PAPPA2: variants seen among roughly 807,000 people sequenced by gnomAD.
The protein encoded by PAPPA2 is pappalysin 2, also known as pappalysin-2.
A neutral mutation model predicts 176.4 loss-of-function variants in PAPPA2; 86 were observed. The observed-to-expected ratio is 0.49, with a 90% CI of 0.41 to 0.58. PAPPA2 has a LOEUF of 0.58. Among genes scored for constraint, PAPPA2 ranks in the 20% least tolerant of loss-of-function variants. The pLI is 0.00. For missense variants in PAPPA2, 2,073 were observed against 2,256.9 expected (o/e 0.92, Z 1.65); for synonymous variants, 809 against 852.2 (o/e 0.95, Z 0.88).
intron 1 of PAPPA2, among the ~76,000 whole-genome samples, chr1:176,520,421 A>G (rs1572994826): frequency 6.6e-6 from 1 of 152,318 alleles, no homozygotes; most frequent in East Asian, 1.9e-4. Flanking sequence ...CAGTTAAGCC[A>G]CACTTTCAGA....
Position 176,765,824 on chromosome 1 carries a change from T to A in PAPPA2, c.4310T>A (p.Ile1437Asn). 6.2e-7 allele frequency: 1 copy of A among 1,613,950 alleles called. No individual in the cohort carries two copies. The highest frequency in any genetic ancestry group is 8.5e-7 in the Non-Finnish European group (1 of 1,179,956). Residue 1437 changes from isoleucine (I) to asparagine (N), a missense_variant, in exon 15 of 23, where the codon ATC becomes AAC. Transcript: ENST00000367662. ...FALQASSGQY[I>N]RPMQKEILLT... ...CTTCAGGCCAGCAGTGGGCAGTACATCAGGCCCATGCAGGTGAGTTGAAAG... is the reference window on the plus strand; with the variant it reads ...CTTCAGGCCAGCAGTGGGCAGTACAACAGGCCCATGCAGGTGAGTTGAAAG...
rs370125053 is a variant in PAPPA2 at position 176,696,338 on chromosome 1, A to G, written c.2746+479A>G. ...GGTGGGGGGACCGCAGAGAAAACTC[A>G]TGTACTGGCTGAGCAAGTCTGGGTG... On this transcript the variant is annotated intron_variant, in intron 7 of 22. Transcript: ENST00000367662. 1.3e-4 allele frequency among the ~76,000 whole-genome samples: 11 copies of G among 87,420 alleles called. No homozygotes were observed. The East Asian group carries it at 3.7e-3, about 29-fold the overall frequency. The allele number at this position is 87,420 out of a possible 152,430, so 57.4% of individuals were successfully genotyped here. A position where few individuals can be genotyped will look rare whatever the true frequency, so the allele number is the denominator to read the frequency against.
At chr1:176,690,911 T>TAAAA (rs3039065) in intron 5 of PAPPA2, 75 of 936,430 alleles carry the variant, frequency 8.0e-5, no homozygotes, top group African/African-American at 1.7e-4. Context: ...TGTATGTTAC[T>TAAAA]AAAAAAAAAA....
At chr1:176,569,166 CCACACCTT>C (rs1652166224) in intron 2 of PAPPA2, among the ~76,000 whole-genome samples, 1 of 152,254 alleles carries the variant, frequency 6.6e-6, no homozygotes, top group South Asian at 2.1e-4. Flanking sequence ...ACCCACACAC[CCACACCTT>C]CATATATGAT....
intron 2 of PAPPA2, among the ~76,000 whole-genome samples, chr1:176,576,891 A>C (rs1042636465): frequency 7.9e-5 from 12 of 151,698 alleles, no homozygotes; most frequent in African/African-American, 2.9e-4. Context: ...TAGATAGTGT[A>C]GAAAATGTTG....
intron 12 of PAPPA2, among the ~76,000 whole-genome samples, chr1:176,735,546 G>A (rs1662359238): frequency 6.6e-6 from 1 of 152,048 alleles, no homozygotes; most frequent in Non-Finnish European, 1.5e-5. Context: ...AGCCCAAACA[G>A]TTCTACATCA....
intron 1 of PAPPA2, among the ~76,000 whole-genome samples, chr1:176,553,017 C>T (rs1464609365): frequency 6.6e-6 from 1 of 152,014 alleles, no homozygotes; most frequent in African/African-American, 2.4e-5. Context: ...TTTCCCTTGG[C>T]ATGTCTAGTG....
intron 1 of PAPPA2, among the ~76,000 whole-genome samples, chr1:176,521,892 C>T (rs73042700): frequency 0.08 from 12,098 of 152,114 alleles, 629 homozygotes; most frequent in African/African-American, 0.14. Context: ...AAGGCATGAA[C>T]GAGAGAACCC....
intron 14 of PAPPA2, 37 bp from the exon 15 acceptor site, chr1:176,765,629 A>T: frequency 6.3e-7 from 1 of 1,597,018 alleles, no homozygotes; most frequent in Non-Finnish European, 8.5e-7. Flanking sequence ...ACTGGTTCTC[A>T]ACCAGTCCTA....
intron 1 of PAPPA2, among the ~76,000 whole-genome samples, chr1:176,512,057 GA>G (rs1648627900): frequency 6.6e-6 from 1 of 151,810 alleles, no homozygotes; most frequent in African/African-American, 2.4e-5. Flanking sequence ...TTGATAAAAA[GA>G]ATAAAAAGGA....
At chr1:176,663,669 G>A (rs1658470941) in intron 3 of PAPPA2, among the ~76,000 whole-genome samples, 1 of 151,878 alleles carries the variant, frequency 6.6e-6, no homozygotes, top group Non-Finnish European at 1.5e-5. Flanking sequence ...CCATCTTACA[G>A]CTGAGGAAGC....
chr1:176,729,050 T>C (rs1662011020), intron 12 of PAPPA2, among the ~76,000 whole-genome samples: 1 of 152,012 alleles, frequency 6.6e-6, no homozygotes, highest in Non-Finnish European at 1.5e-5. Context: ...TTTAGGTTTT[T>C]TTCTCTTTAA....
At chr1:176,479,646 A>G (rs1269663831) in intron 1 of PAPPA2, among the ~76,000 whole-genome samples, 1 of 152,148 alleles carries the variant, frequency 6.6e-6, no homozygotes, top group African/African-American at 2.4e-5. Context: ...TGAATAAAGG[A>G]GGGTCCTCTC....
In PAPPA2 at chr1:176,769,715, T is replaced by G; in HGVS notation, c.4432T>G (p.Ser1478Ala). The change falls in exon 16 of 23, where the codon TCC becomes GCC. Residue 1478 changes from serine (S) to alanine (A), a missense_variant. Physicochemically the swap from Ser to Ala is moderately conservative, Grantham distance 99. This residue lies in a region of PAPPA2 where 846 missense variants were observed against 857.9 expected (regional missense o/e 0.99). Transcript: ENST00000367662. ...GTCTTTGGTGAACTATGCAAACTTCTCCTGCTCAGAGGGAACCAAATTTCT... is the reference window on the plus strand; with the variant it reads ...GTCTTTGGTGAACTATGCAAACTTCGCCTGCTCAGAGGGAACCAAATTTCT... ...DPSLVNYANFSCSEGTKFLKR... is the reference protein window; with the variant it reads ...DPSLVNYANFACSEGTKFLKR... 1 of 1,613,872 alleles carries G rather than the reference T, an allele frequency of 6.2e-7. No homozygotes were observed. Among genetic ancestry groups the G allele is most frequent in the Non-Finnish European group, 8.5e-7 (1 of 1,179,946 alleles).
chr1:176,657,511 C>T (rs185067107), intron 3 of PAPPA2, among the ~76,000 whole-genome samples: 38 of 151,876 alleles, frequency 2.5e-4, no homozygotes, highest in Admixed American at 2.4e-3. Flanking sequence ...GTGCAAAACA[C>T]GGAACAGAGA....
At chr1:176,557,815 T>C (rs1426380798) in intron 2 of PAPPA2, among the ~76,000 whole-genome samples, 2 of 152,164 alleles carry the variant, frequency 1.3e-5, no homozygotes, top group Non-Finnish European at 2.9e-5. Context: ...GTCACAACAA[T>C]CATGTGTCCA....
chr1:176,734,018 G>GT (rs1184758968), intron 12 of PAPPA2, among the ~76,000 whole-genome samples: 1 of 152,026 alleles, frequency 6.6e-6, no homozygotes, highest in Non-Finnish European at 1.5e-5. Context: ...GTATAGAGAG[G>GT]TTTTTTCCCC....
At chr1:176,779,867 T>C (rs756687528) in intron 17 of PAPPA2, among the ~76,000 whole-genome samples, 2 of 152,158 alleles carry the variant, frequency 1.3e-5, no homozygotes, top group Non-Finnish European at 2.9e-5. Context: ...GTGCAGCCAC[T>C]AAAGGCCTGC....
At chr1:176,499,554 C>A in intron 1 of PAPPA2, among the ~76,000 whole-genome samples, 1 of 152,238 alleles carries the variant, frequency 6.6e-6, no homozygotes, top group South Asian at 2.1e-4. Flanking sequence ...CTGATCTCTA[C>A]TTCTGTGGAG....
Sources: allele counts gnomAD v4.1 joint callset (sites outside exome capture counted in the v4.1 genomes callset), GRCh38; gene constraint gnomAD v4.1.1; regional missense constraint gnomAD v4.1.1; transcripts MANE v1.5; gene names NCBI Gene and HGNC (gene_info 2026-07-23, HGNC 2026-07-21).